Variants in ZNF843 observed in about 807,000 individuals in gnomAD.
ZNF843 encodes zinc finger protein 843.
For missense variants in ZNF843, 482 were observed against 469.4 expected (o/e 1.03, Z -0.25); for synonymous variants, 185 against 207.7 (o/e 0.89, Z 0.94).
chr16:31,437,489 A>G (rs2082187606), intron 1 of ZNF843, among the ~76,000 whole-genome samples: 1 of 138,870 alleles, frequency 7.2e-6, no homozygotes, highest in Admixed American at 7.3e-5. Flanking sequence ...TTTTTTTGGT[A>G]GAAGCTGGTT....
chr16:31,436,454 A>G lies in ZNF843; in HGVS notation c.396T>C (p.Asp132=), dbSNP rs1407261485. Residue 132 remains aspartate, a synonymous_variant, in exon 2 of 2, where the codon GAT becomes GAC. Transcript: ENST00000315678. ...PAGFWGPVEA[D]RPPANSHRRV... ...TCCTGTGTGAATTCGCTGGTGGCCGATCAGCTTCCACCGGTCCCCAAAAAC... is the reference window on the plus strand; with the variant it reads ...TCCTGTGTGAATTCGCTGGTGGCCGGTCAGCTTCCACCGGTCCCCAAAAAC... The G allele has an allele frequency of 2.6e-6, 4 of 1,551,648 alleles. No homozygotes were observed. The highest frequency in any genetic ancestry group is 3.5e-6 in the Non-Finnish European group (4 of 1,146,964).
chr16:31,440,045 T>C (rs539634428), intron 1 of ZNF843, among the ~76,000 whole-genome samples: 10 of 152,186 alleles, frequency 6.6e-5, no homozygotes, highest in Admixed American at 5.9e-4. Flanking sequence ...ACTTACTACA[T>C]GCCAGGTACT....
At chr16:31,437,619 GT>G (rs749584155) in intron 1 of ZNF843, among the ~76,000 whole-genome samples, 23,566 of 109,838 alleles carry the variant, frequency 0.21, 1,827 homozygotes, top group South Asian at 0.3. Context: ...TATAATCAAT[GT>G]TTTTTTTTTT....
chr16:31,439,048 G>A (rs1161218969), intron 1 of ZNF843, among the ~76,000 whole-genome samples: 1 of 151,924 alleles, frequency 6.6e-6, no homozygotes, highest in Non-Finnish European at 1.5e-5. Context: ...TATACCTAAT[G>A]TAAATGACGA....
chr16:31,440,005 C>T (rs13333031), intron 1 of ZNF843, among the ~76,000 whole-genome samples: 5,262 of 152,192 alleles, frequency 0.035, 295 homozygotes, highest in African/African-American at 0.12. Context: ...ATAAATAATA[C>T]GGAGTTGAAA....
At chr16:31,440,995 C>A (rs145186907) in intron 1 of ZNF843, among the ~76,000 whole-genome samples, 120 of 152,320 alleles carry the variant, frequency 7.9e-4, no homozygotes, top group African/African-American at 2.8e-3. Flanking sequence ...ATCAGCCTTG[C>A]CCAGGCTTTC....
intron 1 of ZNF843, among the ~76,000 whole-genome samples, chr16:31,440,504 AT>A (rs2082197646): frequency 6.6e-6 from 1 of 152,182 alleles, no homozygotes; most frequent in African/African-American, 2.4e-5. Flanking sequence ...ATAATGATCT[AT>A]TTTAATGGCT....
At chr16:31,438,883 C>T (rs934769330) in intron 1 of ZNF843, among the ~76,000 whole-genome samples, 1 of 151,530 alleles carries the variant, frequency 6.6e-6, no homozygotes, top group African/African-American at 2.4e-5. Context: ...TGCTCATTCT[C>T]AGCAAACTAT....
chr16:31,438,989 C>A (rs1048838646), intron 1 of ZNF843, among the ~76,000 whole-genome samples: 2 of 106,940 alleles, frequency 1.9e-5, no homozygotes, highest in South Asian at 3.0e-4. Flanking sequence ...CATCACACAC[C>A]GGGGCCTGTT....
Position 31,436,772 on chromosome 16 carries a change from G to C in ZNF843, c.78C>G (p.Phe26Leu). The change falls in exon 2 of 2, where the codon TTC becomes TTG. Residue 26 changes from phenylalanine (F) to leucine (L), a missense_variant. Coordinates refer to ENST00000315678, the MANE Select transcript of ZNF843 (RefSeq NM_001136509.3). ...ACTTGCAGGGCTGACGGCCCTGGGT[G>C]AATCTGCCGGTGCTGCAGCAGGTAG... Reference protein sequence around the residue: ...RAPTCCSTGRFTQGRQPCKCK... With the variant: ...RAPTCCSTGRLTQGRQPCKCK... 6.4e-7 allele frequency: 1 copy of C among 1,551,800 alleles called. No individual in the cohort carries two copies. The highest frequency in any genetic ancestry group is 8.7e-7 in the Non-Finnish European group (1 of 1,147,032).
Position 31,435,689 on chromosome 16 carries a change from C to T in ZNF843, c.*114G>A. 2 of 1,019,010 alleles carry T rather than the reference C, an allele frequency of 2.0e-6. No individual in the cohort carries two copies. The highest frequency in any genetic ancestry group is 3.3e-4 in the Middle Eastern group (1 of 2,988). The allele number at this position is 1,019,010 out of a possible 1,614,324, so 63.1% of individuals were successfully genotyped here. On this transcript the variant is annotated 3_prime_UTR_variant, in exon 2 of 2. Transcript: ENST00000315678. Reference sequence around the variant, plus strand: ...CCCAGCACTTCTGAGAAAGATCTGCCATACAGAAAAGCCGTCCTGAGCGGG... The same window carrying T: ...CCCAGCACTTCTGAGAAAGATCTGCTATACAGAAAAGCCGTCCTGAGCGGG...
At chr16:31,441,433 CCTT>C (rs773730107) in intron 1 of ZNF843, among the ~76,000 whole-genome samples, 130 of 152,288 alleles carry the variant, frequency 8.5e-4, no homozygotes, top group Admixed American at 3.5e-3. Context: ...CACAGCTTAT[CCTT>C]CTACTACAGT....
Position 31,436,981 on chromosome 16 carries a change from C to T in ZNF843, c.-132G>A. On this transcript the variant is annotated 5_prime_UTR_variant, in exon 2 of 2. Coordinates refer to ENST00000315678, the MANE Select transcript of ZNF843 (RefSeq NM_001136509.3). ...GAGCTCACAGTCTGGGAGCAGCACC[C>T]GGCCCCAGGCCTCGGGGGCTGTCTG... The T allele has an allele frequency of 8.6e-6, 7 of 818,594 alleles. No individual in the cohort carries two copies. Among genetic ancestry groups the T allele is most frequent in the South Asian group, 1.9e-5 (1 of 53,526 alleles). The allele number at this position is 818,594 out of a possible 1,614,324, so 50.7% of individuals were successfully genotyped here.
intron 1 of ZNF843, among the ~76,000 whole-genome samples, chr16:31,441,536 G>A (rs2082201058): frequency 6.6e-6 from 1 of 152,154 alleles, no homozygotes; most frequent in South Asian, 2.1e-4. Context: ...CCAGGCTGGA[G>A]TGCAGTGGCA....
chr16:31,439,624 C>T (rs1439327200), intron 1 of ZNF843, among the ~76,000 whole-genome samples: 1 of 152,206 alleles, frequency 6.6e-6, no homozygotes, highest in Non-Finnish European at 1.5e-5. Flanking sequence ...AGAAGCCAGA[C>T]ACAAGAGAAT....
At chr16:31,441,897 G>A (rs1234820430) in intron 1 of ZNF843, among the ~76,000 whole-genome samples, 1 of 152,192 alleles carries the variant, frequency 6.6e-6, no homozygotes, top group Non-Finnish European at 1.5e-5. Flanking sequence ...AACCCTCTCA[G>A]CTTAAGAGTA....
chr16:31,439,146 TATA>T (rs1416493749), intron 1 of ZNF843, among the ~76,000 whole-genome samples: 1 of 151,320 alleles, frequency 6.6e-6, no homozygotes, highest in Non-Finnish European at 1.5e-5. Flanking sequence ...AACTTAAAAG[TATA>T]ATGATACAAA....
At chr16:31,440,320 C>G (rs2082196860) in intron 1 of ZNF843, among the ~76,000 whole-genome samples, 1 of 152,218 alleles carries the variant, frequency 6.6e-6, no homozygotes, top group Non-Finnish European at 1.5e-5. Flanking sequence ...TTCACGTTTG[C>G]ATATTTTATT....
Position 31,435,682 on chromosome 16 carries a change from G to T in ZNF843, c.*121C>A. 2 of 930,520 alleles carry T rather than the reference G, an allele frequency of 2.1e-6. No individual in the cohort carries two copies. The highest frequency in any genetic ancestry group is 3.0e-6 in the Non-Finnish European group (2 of 661,902). 57.6% of individuals were successfully genotyped at this position (930,520 alleles called of 1,614,324 possible). On this transcript the variant is annotated 3_prime_UTR_variant, in exon 2 of 2. Transcript: ENST00000315678. ...AATAGCCCCCAGCACTTCTGAGAAA[G>T]ATCTGCCATACAGAAAAGCCGTCCT...
Sources: allele counts gnomAD v4.1 joint callset (sites outside exome capture counted in the v4.1 genomes callset), GRCh38; gene constraint gnomAD v4.1.1; transcripts MANE v1.5; gene names NCBI Gene and HGNC (gene_info 2026-07-23, HGNC 2026-07-21).